TIAM1: variants seen among roughly 807,000 people sequenced by gnomAD.
The protein encoded by TIAM1 is TIAM Rac1 associated GEF 1, also known as rho guanine nucleotide exchange factor TIAM1.
In TIAM1, 65 loss-of-function variants were observed where a neutral mutation model predicts 163.5. The ratio of observed to expected loss-of-function variants is 0.40; its 90% CI spans 0.33 to 0.49. TIAM1 has a LOEUF of 0.49. Ranked by LOEUF, TIAM1 falls within the 20% of genes least tolerant of loss-of-function variation. TIAM1 has a pLI of 0.77. For missense variants in TIAM1, 1,789 were observed against 2,044.7 expected, an observed-to-expected ratio of 0.87 and a Z score of 2.41; for synonymous variants, 833 against 810.1, an observed-to-expected ratio of 1.03 and a Z score of -0.48.
chr21:31,414,629 T>C (rs1184589419), intron 2 of TIAM1, among the ~76,000 whole-genome samples: 1 of 152,154 alleles, frequency 6.6e-6, no homozygotes, highest in African/African-American at 2.4e-5. Context: ...AAAGAGTGTC[T>C]ACGTCAGGAA....
At chr21:31,398,622 C>T (rs1222469411) in intron 2 of TIAM1, among the ~76,000 whole-genome samples, 1 of 152,236 alleles carries the variant, frequency 6.6e-6, no homozygotes, top group Non-Finnish European at 1.5e-5. Context: ...TAGCACAGTA[C>T]ACAGTTCCCA....
chr21:31,407,629 A>ATTTTTTTTTT (rs562921160), intron 2 of TIAM1, among the ~76,000 whole-genome samples: 12 of 94,076 alleles, frequency 1.3e-4, no homozygotes, highest in African/African-American at 3.7e-4. Flanking sequence ...TTTGCTCTTA[A>ATTTTTTTTTT]TTTTTTTTTT....
At position 31,388,259 on chromosome 21, in the gene TIAM1, A is replaced by ACACACACACACACACACACAC. The variant is rs1555964695; in HGVS notation, c.-368-48838_-368-48837insGTGTGTGTGTGTGTGTGTGTG. Among the ~76,000 whole-genome samples the ACACACACACACACACACACAC allele has an allele frequency of 9.5e-4, 93 of 98,168 alleles. 3 individuals carry two copies. The highest frequency in any genetic ancestry group is 2.4e-3 in the African/African-American group (64 of 27,214). The allele number at this position is 98,168 out of a possible 152,430, so 64.4% of individuals were successfully genotyped here. ...CACACACACACACACACACACACAC[A>ACACACACACACACACACACAC]ACCTCTTACGTGAATACGGTGAATC... On this transcript the variant is annotated intron_variant, in intron 2 of 28. Transcript: ENST00000286827.
At chr21:31,177,526 G>A (rs540027749) in intron 15 of TIAM1, among the ~76,000 whole-genome samples, 5 of 152,322 alleles carry the variant, frequency 3.3e-5, no homozygotes, top group Non-Finnish European at 7.4e-5. Context: ...AGAATCACTT[G>A]AACCTGGGAG....
chr21:31,379,075 G>A (rs142977412), intron 2 of TIAM1, among the ~76,000 whole-genome samples: 1,647 of 152,234 alleles, frequency 0.011, 27 homozygotes, highest in African/African-American at 0.038. Flanking sequence ...GGGTTCAAGC[G>A]ATTCTCCTGC....
intron 2 of TIAM1, among the ~76,000 whole-genome samples, chr21:31,370,550 T>C (rs1481475802): frequency 6.6e-6 from 1 of 152,182 alleles, no homozygotes; most frequent in Non-Finnish European, 1.5e-5. Flanking sequence ...TGATATTCCC[T>C]GAAGGTGGGT....
chr21:31,453,739 A>G (rs984637254), intron 2 of TIAM1, among the ~76,000 whole-genome samples: 18 of 151,406 alleles, frequency 1.2e-4, no homozygotes, highest in Non-Finnish European at 2.2e-4. Context: ...AATAAATTTT[A>G]AAAAATAAAA....
intron 15 of TIAM1, among the ~76,000 whole-genome samples, chr21:31,170,387 G>A (rs971334157): frequency 6.6e-6 from 1 of 152,152 alleles, no homozygotes; most frequent in Admixed American, 6.5e-5. Flanking sequence ...ATTTATGCAA[G>A]TAGGCCACAT....
intron 1 of TIAM1, among the ~76,000 whole-genome samples, chr21:31,508,457 C>T (rs1033092787): frequency 2.0e-5 from 3 of 149,196 alleles, no homozygotes; most frequent in Non-Finnish European, 4.4e-5. Context: ...GGCACAATCT[C>T]GGCTCACTGC....
At chr21:31,263,113 C>T (rs1030068199) in intron 4 of TIAM1, among the ~76,000 whole-genome samples, 3 of 152,046 alleles carry the variant, frequency 2.0e-5, no homozygotes, top group African/African-American at 7.3e-5. Context: ...TGCATAATTC[C>T]GGGGTTTGTT....
At chr21:31,249,941 T>C (rs2071701608) in intron 5 of TIAM1, among the ~76,000 whole-genome samples, 2 of 151,696 alleles carry the variant, frequency 1.3e-5, no homozygotes, top group African/African-American at 2.4e-5. Flanking sequence ...AGGCCAAAAG[T>C]TGGAGATGAG....
intron 19 of TIAM1, among the ~76,000 whole-genome samples, chr21:31,148,706 C>T (rs139546068): frequency 2.0e-4 from 31 of 152,252 alleles, no homozygotes; most frequent in African/African-American, 6.3e-4. Flanking sequence ...TTATTCCTCC[C>T]GCCTTAAAAA....
intron 1 of TIAM1, among the ~76,000 whole-genome samples, chr21:31,469,271 C>CG (rs1569358804): frequency 2.2e-4 from 34 of 151,152 alleles, no homozygotes; most frequent in African/African-American, 7.3e-4. Context: ...TGGGAAGCAG[C>CG]AGGGGGGTTG....
rs554060391 is a variant in TIAM1, at chr21:31,206,798, T to C, written c.2388+3247A>G. Among the ~76,000 whole-genome samples, 12 of 150,664 alleles carry C rather than the reference T, an allele frequency of 8.0e-5. No homozygotes were observed. In the East Asian group the frequency reaches 2.2e-3, roughly 27 times the overall value. Reference sequence around the variant, plus strand: ...ATAACATGTCTCAGAATTTACTGCCTTAGAGCTCCTAATCCATTATGTTTT... The same window carrying C: ...ATAACATGTCTCAGAATTTACTGCCCTAGAGCTCCTAATCCATTATGTTTT... On this transcript the variant is annotated intron_variant, in intron 11 of 27. Coordinates refer to ENST00000541036, the MANE Select transcript of TIAM1 (RefSeq NM_001353694.2).
In TIAM1 at chr21:31,416,680, A is replaced by T. The variant is rs149694520; in HGVS notation, c.-369+47303T>A. Among the ~76,000 whole-genome samples the T allele has an allele frequency of 2.7e-3, 412 of 152,360 alleles. 3 individuals carry two copies. The highest frequency in any genetic ancestry group is 0.01 in the Middle Eastern group (3 of 294). On this transcript the variant is annotated intron_variant, in intron 2 of 28. Coordinates refer to the TIAM1 transcript ENST00000286827. ...TCCTTTTTGTGGCTGTTCCAAGGCA[A>T]ATATATGCCACATTTTCTTTATCTA...
intron 14 of TIAM1, 57 bp from the exon 15 acceptor site, chr21:31,182,702 C>T: frequency 6.5e-7 from 1 of 1,534,944 alleles, no homozygotes; most frequent in South Asian, 1.3e-5. Context: ...AACACAACAG[C>T]TTAGGAGCTC....
intron 2 of TIAM1, among the ~76,000 whole-genome samples, chr21:31,360,379 A>G (rs1315120277): frequency 6.6e-6 from 1 of 152,156 alleles, no homozygotes; most frequent in Non-Finnish European, 1.5e-5. Flanking sequence ...AGGAGTTAAT[A>G]TACTCTAATG....
intron 13 of TIAM1, among the ~76,000 whole-genome samples, chr21:31,192,378 G>A (rs190581288): frequency 1.3e-3 from 195 of 152,286 alleles, no homozygotes; most frequent in African/African-American, 4.5e-3. Flanking sequence ...AGCACTTTGG[G>A]AGGCCGAGGT....
rs2076713247 is a variant in TIAM1 at position 31,377,823 on chromosome 21, C to T, written c.-368-38401G>A. On this transcript the variant is annotated intron_variant, in intron 2 of 28. Coordinates refer to the TIAM1 transcript ENST00000286827. ...TCAGCAGCTACATTTTTCACTGTGT[C>T]CATTGAGGAATAAGAAAAAAAAAAA... Among the ~76,000 whole-genome samples the T allele has an allele frequency of 1.2e-4, 18 of 150,924 alleles. No homozygotes were observed. In the South Asian group the frequency reaches 3.8e-3, roughly 32 times the overall value.
Sources: allele counts gnomAD v4.1 joint callset (sites outside exome capture counted in the v4.1 genomes callset), GRCh38; gene constraint gnomAD v4.1.1; transcripts MANE v1.5; gene names NCBI Gene and HGNC (gene_info 2026-07-23, HGNC 2026-07-21).